EEPD1: variants seen among roughly 807,000 people sequenced by gnomAD.
The protein encoded by EEPD1 is endonuclease/exonuclease/phosphatase family domain-containing protein 1.
Under a neutral mutation model 46.3 loss-of-function variants are expected in EEPD1, and 17 were observed. That is an observed-to-expected ratio of 0.37 (90% CI 0.25 to 0.55). The LOEUF (loss-of-function observed/expected upper bound fraction) is 0.55. EEPD1 is among the 20% of genes least tolerant of loss of function. EEPD1 has a pLI of 0.83. For synonymous variants in EEPD1, 313 were observed against 315.6 expected, an observed-to-expected ratio of 0.99 and a Z score of 0.09; for missense variants, 673 against 745.6, an observed-to-expected ratio of 0.90 and a Z score of 1.13.
At chr7:36,237,077 C>T (rs960111384) in intron 2 of EEPD1, among the ~76,000 whole-genome samples, 1 of 152,202 alleles carries the variant, frequency 6.6e-6, no homozygotes, top group Admixed American at 6.5e-5. Flanking sequence ...AGACCACCAA[C>T]CCACCAGGAG....
chr7:36,227,478 T>C (rs1786249511), intron 2 of EEPD1, among the ~76,000 whole-genome samples: 1 of 152,178 alleles, frequency 6.6e-6, no homozygotes, highest in Non-Finnish European at 1.5e-5. Flanking sequence ...TCCCTCCTCC[T>C]GGGCGTGTCC....
intron 2 of EEPD1, among the ~76,000 whole-genome samples, chr7:36,199,338 T>G (rs1280170249): frequency 1.3e-5 from 2 of 152,154 alleles, no homozygotes; most frequent in Non-Finnish European, 2.9e-5. Flanking sequence ...ATTTTAAATT[T>G]TCATTATGGA....
chr7:36,205,747 T>C (rs906678613), intron 2 of EEPD1, among the ~76,000 whole-genome samples: 1 of 152,092 alleles, frequency 6.6e-6, no homozygotes, highest in Non-Finnish European at 1.5e-5. Context: ...AGCAGCGAGG[T>C]GGGGAGTGAG....
intron 2 of EEPD1, 67 bp from the exon 3 acceptor site, chr7:36,238,918 G>C: frequency 6.6e-7 from 1 of 1,509,612 alleles, no homozygotes; most frequent in South Asian, 1.3e-5. Context: ...CTTGCGACTT[G>C]TTAGATGATC....
intron 2 of EEPD1, among the ~76,000 whole-genome samples, chr7:36,207,508 G>A (rs1312591641): frequency 1.3e-5 from 2 of 152,180 alleles, no homozygotes; most frequent in Non-Finnish European, 2.9e-5. Flanking sequence ...CACAGGAGAT[G>A]GGGCTGGAAC....
chr7:36,246,457 T>C (rs1033368325), intron 3 of EEPD1, among the ~76,000 whole-genome samples: 1 of 152,224 alleles, frequency 6.6e-6, no homozygotes, highest in African/African-American at 2.4e-5. Flanking sequence ...CCGTTATGTA[T>C]ATCGTAAGCA....
intron 2 of EEPD1, among the ~76,000 whole-genome samples, chr7:36,181,243 C>A (rs1583791885): frequency 6.6e-6 from 1 of 152,148 alleles, no homozygotes; most frequent in South Asian, 2.1e-4. Flanking sequence ...CGCCACACCC[C>A]ACTGCCTTGA....
chr7:36,228,534 GA>G (rs1225672493), intron 2 of EEPD1: 3,841 of 130,428 alleles, frequency 0.029, 150 homozygotes, highest in African/African-American at 0.099. Flanking sequence ...CTCAAAAAAA[GA>G]AAAAAAAAAA....
chr7:36,213,131 C>T (rs914338881), intron 2 of EEPD1, among the ~76,000 whole-genome samples: 2 of 152,042 alleles, frequency 1.3e-5, no homozygotes, highest in Non-Finnish European at 2.9e-5. Context: ...CCAGCATGGG[C>T]AACACAGCAA....
intron 2 of EEPD1, 35 bp from the exon 3 acceptor site, chr7:36,238,950 G>C: frequency 6.3e-7 from 1 of 1,594,278 alleles, no homozygotes; most frequent in Non-Finnish European, 8.5e-7. Flanking sequence ...GAAATGATTT[G>C]TTTTCAAGTG....
At chr7:36,230,812 C>A (rs574367985) in intron 2 of EEPD1, 1 of 152,310 alleles carries the variant, frequency 6.6e-6, no homozygotes, top group African/African-American at 2.4e-5. Flanking sequence ...CCCAGGAGTG[C>A]CTCGTGCATA....
chr7:36,280,610 C>G (rs912850113), intron 3 of EEPD1, among the ~76,000 whole-genome samples: 4 of 152,224 alleles, frequency 2.6e-5, no homozygotes, highest in Admixed American at 2.6e-4. Flanking sequence ...GGTGCAGCAG[C>G]AGCTCTCCGC....
chr7:36,176,755 C>T (rs960410396), intron 2 of EEPD1, among the ~76,000 whole-genome samples: 4 of 152,048 alleles, frequency 2.6e-5, no homozygotes, highest in Admixed American at 1.3e-4. Flanking sequence ...ATTATAAATA[C>T]GATCCTAGAT....
chr7:36,252,710 T>C (rs957128553), intron 3 of EEPD1, among the ~76,000 whole-genome samples: 2 of 152,118 alleles, frequency 1.3e-5, no homozygotes, highest in African/African-American at 4.8e-5. Flanking sequence ...AGGAACTAGC[T>C]GTTGGTGAGC....
chr7:36,273,362 C>T (rs1006133317), intron 3 of EEPD1, among the ~76,000 whole-genome samples: 2 of 152,134 alleles, frequency 1.3e-5, no homozygotes, highest in Non-Finnish European at 2.9e-5. Flanking sequence ...TTTTTCTCCC[C>T]ATTCCTCCCC....
At chr7:36,250,376 A>T (rs1263033794) in intron 3 of EEPD1, among the ~76,000 whole-genome samples, 1 of 152,224 alleles carries the variant, frequency 6.6e-6, no homozygotes, top group Non-Finnish European at 1.5e-5. Flanking sequence ...ATGGAGGTGC[A>T]CAAGGCTAGA....
intron 2 of EEPD1, among the ~76,000 whole-genome samples, chr7:36,205,394 A>G (rs1363669103): frequency 1.3e-5 from 2 of 152,244 alleles, no homozygotes. Flanking sequence ...CTTTTCAAAG[A>G]TTCATCTCCT....
intron 2 of EEPD1, among the ~76,000 whole-genome samples, chr7:36,176,564 A>G (rs901171940): frequency 5.9e-5 from 9 of 152,230 alleles, no homozygotes; most frequent in African/African-American, 2.2e-4. Context: ...GGTGATACTC[A>G]AGCACTGCTG....
At position 36,258,885 on chromosome 7, in the gene EEPD1, GAA is replaced by G. The variant is rs35478776; in HGVS notation, c.930+19867_930+19868del. ...GGCATTCCAGGTGCCACTGGGGTAT[GAA>G]AAAAAAAAAAAAAAAAACTGCAGCT... On this transcript the variant is annotated intron_variant, in intron 3 of 7. Transcript: ENST00000242108. Among the ~76,000 whole-genome samples the G allele has an allele frequency of 1.3e-3, 144 of 115,086 alleles. 1 individual carries two copies. In the East Asian group the frequency reaches 0.025, roughly 20 times the overall value. The allele number at this position is 115,086 out of a possible 152,430, so 75.5% of individuals were successfully genotyped here.
Sources: gnomAD v4.1 joint callset for allele counts (sites outside exome capture counted in the v4.1 genomes callset) on GRCh38, gnomAD v4.1.1 for gene constraint, MANE v1.5 for transcripts, NCBI Gene and HGNC (gene_info 2026-07-23, HGNC 2026-07-21) for gene names.